Variants in AKR1D1 observed in about 807,000 individuals in gnomAD.
AKR1D1 encodes delta(4)-3-ketosteroid 5-beta-reductase.
In AKR1D1, 32 loss-of-function variants were observed where a neutral mutation model predicts 42.6. The ratio of observed to expected loss-of-function variants is 0.75; its 90% confidence interval spans 0.57 to 1.01. The LOEUF (loss-of-function observed/expected upper bound fraction) is 1.01, where lower values mean the gene tolerates loss of function less well. Among genes scored for constraint, AKR1D1 ranks in the 50% least tolerant of loss-of-function variants. AKR1D1 has a pLI of 0.00. For missense variants in AKR1D1, 364 were observed against 402.2 expected, an observed-to-expected ratio of 0.91 and a Z score of 0.81; for synonymous variants, 123 against 135.5, an observed-to-expected ratio of 0.91 and a Z score of 0.64.
intron 3 of AKR1D1, among the ~76,000 whole-genome samples, chr7:138,096,472 T>C (rs558384332): frequency 4.6e-5 from 7 of 152,228 alleles, no homozygotes; most frequent in African/African-American, 1.7e-4. Context: ...TACAATGGCA[T>C]TAATCCACGA....
chr7:138,107,671 A>T (rs1358572361), intron 7 of AKR1D1, 91 bp downstream of exon 7: 1 of 1,397,902 alleles, frequency 7.2e-7, no homozygotes, highest in Admixed American at 1.7e-5. Flanking sequence ...GGAAACCTGT[A>T]ACACTCTCAT....
chr7:138,108,470 G>A (rs1397890402), intron 7 of AKR1D1, among the ~76,000 whole-genome samples: 3 of 152,166 alleles, frequency 2.0e-5, no homozygotes, highest in Admixed American at 1.3e-4. Flanking sequence ...GGAAACAGGC[G>A]CTTTGACACA....
chr7:138,098,674 G>C (rs188121108), intron 4 of AKR1D1, among the ~76,000 whole-genome samples: 1 of 152,108 alleles, frequency 6.6e-6, no homozygotes, highest in Non-Finnish European at 1.5e-5. Context: ...GAAAGCTGCT[G>C]GCTCTTTTCC....
intron 8 of AKR1D1, among the ~76,000 whole-genome samples, chr7:138,116,142 T>C (rs143263726): frequency 0.017 from 2,532 of 152,108 alleles, 89 homozygotes; most frequent in African/African-American, 0.058. Context: ...ATCATGCCAC[T>C]GCACTCCAAC....
At chr7:138,090,324 C>A (rs1039180556) in intron 2 of AKR1D1, among the ~76,000 whole-genome samples, 5 of 151,926 alleles carry the variant, frequency 3.3e-5, no homozygotes, top group Non-Finnish European at 7.4e-5. Flanking sequence ...TTTTGCTTAC[C>A]CTTTCTTGTG....
At position 138,105,356 on chromosome 7, in the gene AKR1D1, C is replaced by A. The variant is rs1794400133; in HGVS notation, c.506C>A (p.Ser169Tyr). ...DAGLVKSLGVSNFNRRQLELI... is the reference protein window; with the variant it reads ...DAGLVKSLGVYNFNRRQLELI... ...GGCTTGGTGAAATCCCTGGGAGTGT[C>A]CAATTTTAACCGCAGGCAGCTGGAG... is the stretch of plus-strand genomic sequence containing the variant. Residue 169 changes from serine (S) to tyrosine (Y), a missense_variant, in exon 5 of 9, where the codon TCC (serine) becomes TAC (tyrosine). Ser to Tyr is a moderately radical substitution (Grantham distance 144). Coordinates refer to ENST00000242375, the MANE Select transcript of AKR1D1 (RefSeq NM_005989.4). 3 of 1,613,956 alleles carry A rather than the reference C, an allele frequency of 1.9e-6. No individual in the cohort carries two copies. The South Asian group carries it at 3.3e-5, about 18-fold the overall frequency.
intron 3 of AKR1D1, among the ~76,000 whole-genome samples, chr7:138,095,039 G>GGAAGAGGAATGAAGGAAAGAGAC (rs1360059849): frequency 1.3e-5 from 2 of 152,124 alleles, no homozygotes; most frequent in African/African-American, 4.8e-5. Context: ...CTGACTGTGA[G>GGAAGAGGAATGAAGGAAAGAGAC]GAAGAGGAAT....
chr7:138,099,237 C>T (rs1794244182), intron 4 of AKR1D1, among the ~76,000 whole-genome samples: 1 of 152,136 alleles, frequency 6.6e-6, no homozygotes, highest in African/African-American at 2.4e-5. Context: ...GACAGTTGGA[C>T]ATTTTGAACA....
At position 138,117,814 on chromosome 7, in the gene AKR1D1, T is replaced by C. The variant is rs775099015; in HGVS notation, c.*1152T>C. 2.0e-5 allele frequency: 3 copies of C among 152,086 alleles called. No individual in the cohort carries two copies. Among genetic ancestry groups the C allele is most frequent in the East Asian group, 3.9e-4 (2 of 5,178 alleles). The allele number at this position is 152,086 out of a possible 1,614,324, so 9.4% of individuals were successfully genotyped here. On this transcript the variant is annotated 3_prime_UTR_variant, in exon 9 of 9. Transcript: ENST00000242375. ...GTGGGCAGATCAGGAGGTCAGGAGA[T>C]CGAGACCATCTTGGCTAACAAGGTG...
At chr7:138,080,280 G>A (rs1373267997) in intron 1 of AKR1D1, among the ~76,000 whole-genome samples, 1 of 152,050 alleles carries the variant, frequency 6.6e-6, no homozygotes, top group Non-Finnish European at 1.5e-5. Flanking sequence ...ATGTTGCCCA[G>A]GATGGTCTGA....
chr7:138,098,056 AC>A, intron 4 of AKR1D1, 113 bp downstream of exon 4: 1 of 849,420 alleles, frequency 1.2e-6, no homozygotes, highest in Non-Finnish European at 2.0e-6. Flanking sequence ...ATGAAAAGTA[AC>A]AGTCAGAACA....
intron 8 of AKR1D1, among the ~76,000 whole-genome samples, chr7:138,115,075 GAACT>G (rs1295172348): frequency 2.6e-5 from 4 of 152,238 alleles, no homozygotes; most frequent in African/African-American, 9.6e-5. Context: ...CACTTTCCTA[GAACT>G]AACAGTTATA....
intron 7 of AKR1D1, among the ~76,000 whole-genome samples, chr7:138,108,572 T>G (rs569825557): frequency 1.8e-4 from 27 of 152,314 alleles, no homozygotes; most frequent in African/African-American, 6.3e-4. Flanking sequence ...TGTTACATGA[T>G]TTATTTATAT....
At chr7:138,099,488 ATAAAAAT>A (rs888978555) in intron 4 of AKR1D1, among the ~76,000 whole-genome samples, 3 of 152,220 alleles carry the variant, frequency 2.0e-5, no homozygotes, top group Non-Finnish European at 4.4e-5. Context: ...ACAAGCTAAA[ATAAAAAT>A]TAAAAAATAA....
chr7:138,104,043 G>A (rs1022671970), intron 4 of AKR1D1, among the ~76,000 whole-genome samples: 4 of 152,074 alleles, frequency 2.6e-5, no homozygotes, highest in Admixed American at 6.5e-5. Flanking sequence ...AGAGGCTAAA[G>A]AGGGAGGATC....
At chr7:138,097,533 A>T (rs1010778428) in intron 3 of AKR1D1, among the ~76,000 whole-genome samples, 8 of 152,252 alleles carry the variant, frequency 5.3e-5, no homozygotes, top group Non-Finnish European at 8.8e-5. Context: ...AGGCTGTCCC[A>T]GCAGGGGGAG....
At chr7:138,101,260 C>T (rs148635886) in intron 4 of AKR1D1, among the ~76,000 whole-genome samples, 4,161 of 144,182 alleles carry the variant, frequency 0.029, 211 homozygotes, top group African/African-American at 0.1. Flanking sequence ...AGTGCAGTGG[C>T]GCAATCTCAG....
At position 138,086,664 on chromosome 7, in the gene AKR1D1, G is replaced by A. The variant is rs148121827; in HGVS notation, c.94-1937G>A. Among the ~76,000 whole-genome samples the A allele has an allele frequency of 2.6e-4, 39 of 152,204 alleles. No homozygotes were observed. In the East Asian group the frequency reaches 6.0e-3, roughly 23 times the overall value. Reference sequence around the variant, plus strand: ...AAATACATTTCAGATTTATTCTCTCGCTCAGCCTACAACAAATCAATAGGT... The same window carrying A: ...AAATACATTTCAGATTTATTCTCTCACTCAGCCTACAACAAATCAATAGGT... On this transcript the variant is annotated intron_variant, in intron 1 of 8. Transcript: ENST00000242375.
At chr7:138,115,761 A>G (rs1794622056) in intron 8 of AKR1D1, among the ~76,000 whole-genome samples, 1 of 152,216 alleles carries the variant, frequency 6.6e-6, no homozygotes, top group Non-Finnish European at 1.5e-5. Context: ...AAACTAAATC[A>G]GGAACACACA....
Sources: gnomAD v4.1 joint callset for allele counts (sites outside exome capture counted in the v4.1 genomes callset) on GRCh38, gnomAD v4.1.1 for gene constraint, MANE v1.5 for transcripts, NCBI Gene and HGNC (gene_info 2026-07-23, HGNC 2026-07-21) for gene names.